TMTC2: variants seen among roughly 807,000 people sequenced by gnomAD.
TMTC2 encodes transmembrane O-mannosyltransferase targeting cadherins 2.
In TMTC2, 43 loss-of-function variants were observed where a neutral mutation model predicts 82.4. That is an observed-to-expected ratio of 0.52 (90% CI 0.41 to 0.67). The LOEUF (loss-of-function observed/expected upper bound fraction) is 0.67. TMTC2 is among the 30% of genes least tolerant of loss of function. The probability of loss-of-function intolerance (pLI) is 0.00; values close to 1 mark genes in which losing one functional copy is unlikely to be tolerated. For missense variants in TMTC2, 919 were observed against 1,012.4 expected (o/e 0.91, Z 1.25); for synonymous variants, 408 against 381.9 (o/e 1.07, Z -0.80).
chr12:83,043,545 C>T (rs1233120283), intron 9 of TMTC2, among the ~76,000 whole-genome samples: 1 of 152,216 alleles, frequency 6.6e-6, no homozygotes, highest in Non-Finnish European at 1.5e-5. Flanking sequence ...CATGATCCAG[C>T]TGCTGGTGGA....
chr12:82,971,631 G>C (rs1281977523), intron 7 of TMTC2, among the ~76,000 whole-genome samples: 1 of 151,948 alleles, frequency 6.6e-6, no homozygotes, highest in African/African-American at 2.4e-5. Flanking sequence ...AAAATGACTT[G>C]GCTTTCTCAA....
intron 11 of TMTC2, among the ~76,000 whole-genome samples, chr12:83,066,119 G>A (rs752533943): frequency 1.3e-5 from 2 of 151,854 alleles, no homozygotes; most frequent in African/African-American, 2.4e-5. Context: ...GAGTAGAGGA[G>A]AGAACACCGG....
intron 1 of TMTC2, among the ~76,000 whole-genome samples, chr12:82,741,478 G>A (rs570069882): frequency 2.0e-5 from 3 of 151,992 alleles, no homozygotes; most frequent in Non-Finnish European, 4.4e-5. Context: ...GCCTGGCTAA[G>A]TTTTGTATTT....
At chr12:83,125,647 G>A (rs1276990440) in intron 11 of TMTC2, among the ~76,000 whole-genome samples, 3 of 152,158 alleles carry the variant, frequency 2.0e-5, no homozygotes, top group Non-Finnish European at 4.4e-5. Context: ...ACTTTTACCA[G>A]TTGAGAATAG....
At chr12:83,033,468 T>G (rs1394938803) in intron 9 of TMTC2, among the ~76,000 whole-genome samples, 1 of 152,300 alleles carries the variant, frequency 6.6e-6, no homozygotes, top group South Asian at 2.1e-4. Flanking sequence ...AAATATATTC[T>G]GAGTTCGGGC....
At chr12:82,711,149 A>G (rs758906052) in intron 1 of TMTC2, among the ~76,000 whole-genome samples, 2 of 152,222 alleles carry the variant, frequency 1.3e-5, no homozygotes, top group Non-Finnish European at 2.9e-5. Context: ...TATAGAAATA[A>G]AAGATTTCTT....
chr12:82,787,379 A>G (rs996310625), intron 1 of TMTC2, among the ~76,000 whole-genome samples: 2 of 152,088 alleles, frequency 1.3e-5, no homozygotes, highest in African/African-American at 4.8e-5. Flanking sequence ...GTTTGTAATG[A>G]GGTTTAGACT....
At chr12:83,074,363 G>T (rs540872022) in intron 11 of TMTC2, among the ~76,000 whole-genome samples, 1 of 152,256 alleles carries the variant, frequency 6.6e-6, no homozygotes, top group African/African-American at 2.4e-5. Context: ...ACCAGCACCT[G>T]TTCTGGTGGA....
intron 4 of TMTC2, among the ~76,000 whole-genome samples, chr12:82,964,225 T>C (rs879310250): frequency 1.3e-5 from 2 of 151,936 alleles, no homozygotes; most frequent in Non-Finnish European, 2.9e-5. Flanking sequence ...GCGAGCTTTT[T>C]GAACTTAGTT....
At chr12:82,839,343 G>A (rs544233087) in intron 1 of TMTC2, among the ~76,000 whole-genome samples, 8 of 152,282 alleles carry the variant, frequency 5.3e-5, no homozygotes, top group African/African-American at 1.9e-4. Flanking sequence ...TGAGTAGAGT[G>A]ACCATAGTAA....
Position 82,829,545 on chromosome 12 carries a change from T to C in TMTC2, c.84-27465T>C, listed in dbSNP as rs200996226. On this transcript the variant is annotated intron_variant, in intron 1 of 11. Transcript: ENST00000321196. ...TTTACAGTGAAGAGATCATTGACTT[T>C]AAGAAAAGAGGCATCAAAGTAATCC... Among the ~76,000 whole-genome samples the C allele has an allele frequency of 3.7e-3, 571 of 152,298 alleles. 4 individuals are homozygous for C. Among genetic ancestry groups the C allele is most frequent in the African/African-American group, 0.013 (547 of 41,558 alleles).
chr12:82,796,772 T>C (rs775548392), intron 1 of TMTC2, among the ~76,000 whole-genome samples: 3 of 152,094 alleles, frequency 2.0e-5, no homozygotes, highest in African/African-American at 4.8e-5. Flanking sequence ...GCAGGGTGTA[T>C]TGGGAGTCTG....
At chr12:83,040,558 A>G (rs1207324183) in intron 9 of TMTC2, among the ~76,000 whole-genome samples, 1 of 151,990 alleles carries the variant, frequency 6.6e-6, no homozygotes, top group East Asian at 1.9e-4. Flanking sequence ...AAGTGAAGAA[A>G]CTGTAACTCA....
intron 8 of TMTC2, among the ~76,000 whole-genome samples, chr12:83,001,757 T>TTG (rs397728869): frequency 8.8e-5 from 1 of 11,404 alleles, no homozygotes; most frequent in Non-Finnish European, 5.6e-4. Context: ...CATCAGTCTC[T>TTG]GCTGAAACAT....
chr12:83,005,713 G>A (rs1880170219), intron 8 of TMTC2, among the ~76,000 whole-genome samples: 1 of 152,190 alleles, frequency 6.6e-6, no homozygotes, highest in African/African-American at 2.4e-5. Flanking sequence ...GGTTTTGGCG[G>A]GGAATTGCCC....
At chr12:82,888,844 A>G (rs1873238158) in intron 2 of TMTC2, among the ~76,000 whole-genome samples, 1 of 152,190 alleles carries the variant, frequency 6.6e-6, no homozygotes, top group East Asian at 1.9e-4. Flanking sequence ...CTTTTATATT[A>G]TTTTCCATTG....
At chr12:82,917,930 C>T (rs777287095) in intron 3 of TMTC2, among the ~76,000 whole-genome samples, 1 of 151,910 alleles carries the variant, frequency 6.6e-6, no homozygotes, top group Non-Finnish European at 1.5e-5. Context: ...CAGGGTCTCA[C>T]TCTGTCACCC....
chr12:82,856,252 T>G (rs909566008), intron 1 of TMTC2, among the ~76,000 whole-genome samples: 5 of 152,140 alleles, frequency 3.3e-5, no homozygotes, highest in African/African-American at 1.2e-4. Context: ...AAAGCAAGAA[T>G]CAGTGAAGCA....
intron 9 of TMTC2, among the ~76,000 whole-genome samples, chr12:83,049,411 G>A (rs570039166): frequency 6.6e-6 from 1 of 152,152 alleles, no homozygotes; most frequent in African/African-American, 2.4e-5. Flanking sequence ...GAACATGGTG[G>A]TGTTTGGTTT....
Sources: allele counts gnomAD v4.1 joint callset (sites outside exome capture counted in the v4.1 genomes callset), GRCh38; gene constraint gnomAD v4.1.1; transcripts MANE v1.5; gene names NCBI Gene and HGNC (gene_info 2026-07-23, HGNC 2026-07-21).